NECAB2: variants seen among roughly 807,000 people sequenced by gnomAD.
The protein encoded by NECAB2 is N-terminal EF-hand calcium-binding protein 2.
A neutral mutation model predicts 51.9 loss-of-function variants in NECAB2; 68 were observed. That is an observed-to-expected ratio of 1.31 (90% CI 1.08 to 1.60). The LOEUF (loss-of-function observed/expected upper bound fraction) is 1.60. Among genes scored for constraint, NECAB2 ranks in the 40% most tolerant of loss-of-function variants. The pLI is 0.00. For synonymous variants in NECAB2, 329 were observed against 203.5 expected (o/e 1.62, Z -5.25); for missense variants, 854 against 490.3 (o/e 1.74, Z -7.00).
upstream of NECAB2, chr16:83,966,278 C>T: frequency 2.0e-6 from 1 of 505,098 alleles, no homozygotes; most frequent in Non-Finnish European, 3.5e-6. Context: ...GCCAGGAGAC[C>T]TGCAGCCCTG....
chr16:83,989,555 G>A (rs1460489569), intron 5 of NECAB2, among the ~76,000 whole-genome samples: 4 of 152,214 alleles, frequency 2.6e-5, no homozygotes, highest in Non-Finnish European at 1.5e-5. Context: ...TGGGGCAGGT[G>A]GCTTGGGAAG....
chr16:83,999,135 C>T (rs984140818), intron 10 of NECAB2, among the ~76,000 whole-genome samples: 1 of 152,154 alleles, frequency 6.6e-6, no homozygotes, highest in Non-Finnish European at 1.5e-5. Context: ...CTTCTTGGGC[C>T]CCCTGTGCAC....
intron 5 of NECAB2, among the ~76,000 whole-genome samples, chr16:83,988,643 G>A (rs1012688290): frequency 6.6e-6 from 1 of 152,178 alleles, no homozygotes; most frequent in African/African-American, 2.4e-5. Context: ...AAGTGACTTA[G>A]GACAAACTCT....
chr16:83,997,479 C>CTTTTTT (rs11296947), intron 9 of NECAB2, among the ~76,000 whole-genome samples: 1 of 53,276 alleles, frequency 1.9e-5, no homozygotes, highest in Non-Finnish European at 3.2e-5. Context: ...CTCCCTGGAC[C>CTTTTTT]TTTTTTTTTT....
intron 1 of NECAB2, 164 bp from the exon 2 acceptor site, chr16:83,971,987 C>G: frequency 1.1e-6 from 1 of 915,966 alleles, no homozygotes; most frequent in Non-Finnish European, 1.6e-6. Flanking sequence ...CATCAGTTCC[C>G]CCTGGATCCC....
chr16:83,969,405 T>G (rs1241365582), intron 1 of NECAB2, among the ~76,000 whole-genome samples: 1 of 152,000 alleles, frequency 6.6e-6, no homozygotes, highest in Non-Finnish European at 1.5e-5. Flanking sequence ...TTCTGTCTTC[T>G]CGTCTCCTTT....
chr16:83,969,024 C>T (rs1381509961), intron 1 of NECAB2, among the ~76,000 whole-genome samples, 175 bp downstream of exon 1: 1 of 151,502 alleles, frequency 6.6e-6, no homozygotes, highest in African/African-American at 2.4e-5. Context: ...ACGTCCAGGC[C>T]GGTCTCCAGC....
At chr16:83,994,575 C>T (rs986975055) in intron 7 of NECAB2, 34 bp from the exon 8 acceptor site, 1 of 1,613,368 alleles carries the variant, frequency 6.2e-7, no homozygotes. Context: ...TCCTGCCCAC[C>T]ACTGAAGTCT....
intron 8 of NECAB2, 110 bp from the exon 9 acceptor site, chr16:83,997,106 G>A (rs897316932): frequency 1.5e-6 from 2 of 1,309,900 alleles, no homozygotes; most frequent in Non-Finnish European, 2.2e-6. Context: ...CTGTGCAACA[G>A]GGCCGGGTCC....
chr16:83,971,888 G>T, intron 1 of NECAB2: 1 of 592,186 alleles, frequency 1.7e-6, no homozygotes. Context: ...GGGCCTGCGT[G>T]TGTGTGTCAG....
chr16:83,985,116 C>A (rs997386077), intron 5 of NECAB2, among the ~76,000 whole-genome samples: 27 of 150,720 alleles, frequency 1.8e-4, no homozygotes, highest in Non-Finnish European at 7.4e-5. Context: ...AGTTTGAGAC[C>A]AGCGTGGCCA....
chr16:83,982,642 C>T (rs2084502969), intron 5 of NECAB2, among the ~76,000 whole-genome samples: 1 of 152,190 alleles, frequency 6.6e-6, no homozygotes, highest in Non-Finnish European at 1.5e-5. Flanking sequence ...GCATTCGTAA[C>T]ATCCATGGTT....
Position 83,980,860 on chromosome 16 carries a change from GT to G in NECAB2, c.358del (p.Cys120ValfsTer21). The G allele has an allele frequency of 6.2e-7, 1 of 1,606,120 alleles. No individual in the cohort carries two copies. The highest frequency in any genetic ancestry group is 8.5e-7 in the Non-Finnish European group (1 of 1,175,802). On this transcript the variant is annotated frameshift_variant, in exon 4 of 13. Coordinates refer to ENST00000305202, the MANE Select transcript of NECAB2 (RefSeq NM_019065.3). LOFTEE classifies it high-confidence loss of function. ...NTNHVDTKEL[C>X]DYFVDHMGDY... is the part of the protein sequence containing the mutation. ...GCAGCCATGTGGACACCAAGGAGCT[GT>G]GTGGTAGGTGCCTGGCTATGCTGGG...
chr16:83,995,835 C>G (rs1304064014), intron 8 of NECAB2, among the ~76,000 whole-genome samples: 2 of 152,184 alleles, frequency 1.3e-5, no homozygotes, highest in African/African-American at 4.8e-5. Flanking sequence ...GAGTTACCCC[C>G]TTCCTGAAGC....
intron 5 of NECAB2, among the ~76,000 whole-genome samples, chr16:83,987,857 A>G (rs905246504): frequency 1.8e-4 from 27 of 152,270 alleles, no homozygotes; most frequent in Admixed American, 3.3e-4. Flanking sequence ...CACTTGACAT[A>G]GAGCAAAATG....
upstream of NECAB2, among the ~76,000 whole-genome samples, chr16:83,967,638 A>G (rs2151081764): frequency 5.8e-5 from 3 of 51,294 alleles, no homozygotes; most frequent in African/African-American, 7.7e-5. Flanking sequence ...GGGGGTGGAT[A>G]GATGGATAGA....
At chr16:83,999,121 G>A (rs1052298936) in intron 10 of NECAB2, among the ~76,000 whole-genome samples, 1 of 152,184 alleles carries the variant, frequency 6.6e-6, no homozygotes, top group Non-Finnish European at 1.5e-5. Flanking sequence ...TCTTTGAGAG[G>A]GGTCTTCTTG....
rs371184099 is a variant in NECAB2 at position 83,994,325 on chromosome 16, A to G, written c.620A>G (p.His207Arg). The G allele has an allele frequency of 7.4e-6, 12 of 1,614,076 alleles. No individual in the cohort carries two copies. Among genetic ancestry groups the G allele is most frequent in the Non-Finnish European group, 1.0e-5 (12 of 1,180,046 alleles). The change falls in exon 7 of 13, where the codon CAC (histidine) becomes CGC (arginine). Residue 207 changes from histidine (H) to arginine (R), a missense_variant. His to Arg is a conservative substitution (Grantham distance 29). Transcript: ENST00000305202. The stretch of plus-strand genomic sequence containing the variant: ...AGACAGAACCACATCAAACCCAGCC[A>G]CAGCGCGGCACAGACCTGGTGTGGA... ...QLRQNHIKPSHSAAQTWCGSP... is the reference protein window; with the variant it reads ...QLRQNHIKPSRSAAQTWCGSP...
intron 12 of NECAB2, 96 bp from the exon 13 acceptor site, chr16:84,002,222 A>G (rs1020214040): frequency 1.8e-5 from 26 of 1,461,002 alleles, no homozygotes; most frequent in Non-Finnish European, 2.3e-5. Context: ...AAGGACTCAA[A>G]GCCATCCCCC....
Sources: allele counts gnomAD v4.1 joint callset (sites outside exome capture counted in the v4.1 genomes callset), GRCh38; gene constraint gnomAD v4.1.1; transcripts MANE v1.5; gene names NCBI Gene and HGNC (gene_info 2026-07-23, HGNC 2026-07-21).